DNER: variants seen among roughly 807,000 people sequenced by gnomAD.
The protein encoded by DNER is delta and Notch-like epidermal growth factor-related receptor.
Under a neutral mutation model 78.2 loss-of-function variants are expected in DNER, and 33 were observed. The ratio of observed to expected loss-of-function variants is 0.42; its 90% CI spans 0.32 to 0.56. The LOEUF is 0.56. Among genes scored for constraint, DNER ranks in the 20% least tolerant of loss-of-function variants. DNER has a pLI of 0.11. For synonymous variants in DNER, 417 were observed against 384.8 expected (o/e 1.08, Z -0.98); for missense variants, 918 against 975.3 (o/e 0.94, Z 0.78).
intron 6 of DNER, among the ~76,000 whole-genome samples, chr2:229,497,913 C>T (rs960488669): frequency 6.6e-6 from 1 of 152,080 alleles, no homozygotes; most frequent in Non-Finnish European, 1.5e-5. Flanking sequence ...TTTTCTCAAA[C>T]TCTTCCAAAA....
At chr2:229,692,023 G>A (rs1476832374) in intron 1 of DNER, among the ~76,000 whole-genome samples, 5 of 152,180 alleles carry the variant, frequency 3.3e-5, no homozygotes, top group South Asian at 2.1e-4. Flanking sequence ...CCTATAAAAC[G>A]GAAAGTGGAC....
At chr2:229,369,461 A>T (rs1329973280) in intron 11 of DNER, among the ~76,000 whole-genome samples, 1 of 152,010 alleles carries the variant, frequency 6.6e-6, no homozygotes, top group African/African-American at 2.4e-5. Flanking sequence ...TCAAAAAAAA[A>T]GTTTCAACTT....
chr2:229,539,806 A>T (rs1696477667), intron 5 of DNER, among the ~76,000 whole-genome samples: 1 of 152,152 alleles, frequency 6.6e-6, no homozygotes, highest in Non-Finnish European at 1.5e-5. Context: ...CTCACATCTG[A>T]GTCAGACATT....
chr2:229,636,180 G>T (rs1227756311), intron 1 of DNER, among the ~76,000 whole-genome samples: 4 of 152,166 alleles, frequency 2.6e-5, no homozygotes, highest in African/African-American at 7.2e-5. Context: ...TTTCCTGACT[G>T]AAGCAAAATG....
At chr2:229,406,675 G>T (rs181540434) in intron 10 of DNER, among the ~76,000 whole-genome samples, 2 of 152,152 alleles carry the variant, frequency 1.3e-5, no homozygotes, top group Admixed American at 6.5e-5. Flanking sequence ...CTCATAAGGG[G>T]GTGACTTTGA....
chr2:229,617,000 C>A (rs1698177099), intron 1 of DNER, among the ~76,000 whole-genome samples: 1 of 152,250 alleles, frequency 6.6e-6, no homozygotes, highest in South Asian at 2.1e-4. Flanking sequence ...CAGAGCGCAT[C>A]CACTGAAGAA....
intron 1 of DNER, among the ~76,000 whole-genome samples, chr2:229,677,588 C>T (rs1204106116): frequency 3.9e-5 from 6 of 152,160 alleles, no homozygotes; most frequent in Non-Finnish European, 5.9e-5. Flanking sequence ...AAATATACCA[C>T]CTTTCACCAC....
chr2:229,683,087 A>G (rs1432982614), intron 1 of DNER, among the ~76,000 whole-genome samples: 1 of 152,248 alleles, frequency 6.6e-6, no homozygotes, highest in Non-Finnish European at 1.5e-5. Flanking sequence ...CCACAGGTAA[A>G]CAAATTAATA....
chr2:229,634,592 T>C (rs1215575693), intron 1 of DNER, among the ~76,000 whole-genome samples: 1 of 152,204 alleles, frequency 6.6e-6, no homozygotes, highest in African/African-American at 2.4e-5. Context: ...GGAGCTATTT[T>C]GAACTTATAA....
intron 11 of DNER, among the ~76,000 whole-genome samples, chr2:229,368,181 G>C (rs905551108): frequency 6.6e-6 from 1 of 152,088 alleles, no homozygotes; most frequent in Non-Finnish European, 1.5e-5. Flanking sequence ...TGAGCAGTAT[G>C]GCAAAACCGT....
chr2:229,405,361 A>G (rs1410885050), intron 10 of DNER, among the ~76,000 whole-genome samples: 1 of 152,160 alleles, frequency 6.6e-6, no homozygotes, highest in Non-Finnish European at 1.5e-5. Flanking sequence ...ATGTCGAAAT[A>G]TGTATGTATT....
intron 5 of DNER, among the ~76,000 whole-genome samples, chr2:229,525,948 G>T (rs1002103116): frequency 3.3e-5 from 5 of 152,058 alleles, no homozygotes; most frequent in African/African-American, 1.2e-4. Flanking sequence ...GCAAAGGTGG[G>T]AAGGTCCTAT....
chr2:229,458,682 A>G (rs1248484780), intron 7 of DNER, among the ~76,000 whole-genome samples: 2 of 151,996 alleles, frequency 1.3e-5, no homozygotes, highest in African/African-American at 4.8e-5. Context: ...CAATGATGAA[A>G]TAATAAATAT....
intron 1 of DNER, among the ~76,000 whole-genome samples, chr2:229,693,817 A>G (rs1471595129): frequency 6.6e-6 from 1 of 152,220 alleles, no homozygotes; most frequent in Non-Finnish European, 1.5e-5. Context: ...TGCAATAGAA[A>G]AGAAAAACCC....
chr2:229,609,601 C>T lies in DNER; in HGVS notation c.277-17713G>A, dbSNP rs181167082. On this transcript the variant is annotated intron_variant, in intron 1 of 12. Coordinates refer to ENST00000341772, the MANE Select transcript of DNER (RefSeq NM_139072.4). ...CACAACGCTGAAAATATTAACTATC[C>T]GCCCTTTACAGAAAAAGTTTGCTAA... Among the ~76,000 whole-genome samples the T allele has an allele frequency of 2.7e-4, 41 of 152,218 alleles. 1 individual carries two copies. The East Asian group carries it at 6.8e-3, about 25-fold the overall frequency.
At chr2:229,364,246 T>C (rs1240340246) in intron 12 of DNER, among the ~76,000 whole-genome samples, 1 of 152,008 alleles carries the variant, frequency 6.6e-6, no homozygotes, top group East Asian at 1.9e-4. Context: ...GGCCACTTAC[T>C]GAGTTGGTGC....
Position 229,416,552 on chromosome 2 carries a change from A to C in DNER, c.1609+1556T>G, listed in dbSNP as rs1050297270. Among the ~76,000 whole-genome samples the C allele has an allele frequency of 4.6e-5, 7 of 152,248 alleles. No homozygotes were observed. In the South Asian group the frequency reaches 1.5e-3, roughly 32 times the overall value. On this transcript the variant is annotated intron_variant, in intron 9 of 12. Coordinates refer to ENST00000341772, the MANE Select transcript of DNER (RefSeq NM_139072.4). Reference sequence around the variant, plus strand: ...GGGGGCCAGCTCAGCCTACTGTGCAATTTCCTTAGACAGCAGCCCGTAGCC... The same window carrying C: ...GGGGGCCAGCTCAGCCTACTGTGCACTTTCCTTAGACAGCAGCCCGTAGCC...
chr2:229,668,536 GTATATA>G (rs1163016191), intron 1 of DNER, among the ~76,000 whole-genome samples: 18 of 7,082 alleles, frequency 2.5e-3, no homozygotes, highest in Admixed American at 8.8e-3. Flanking sequence ...GTGTGTGTGT[GTATATA>G]TATATATATA....
At chr2:229,434,579 T>G (rs1052321320) in intron 8 of DNER, among the ~76,000 whole-genome samples, 66 of 152,314 alleles carry the variant, frequency 4.3e-4, no homozygotes, top group African/African-American at 1.4e-3. Flanking sequence ...AAATTAAGGA[T>G]GCCTAAACAC....
Sources: allele counts gnomAD v4.1 joint callset (sites outside exome capture counted in the v4.1 genomes callset), GRCh38; gene constraint gnomAD v4.1.1; transcripts MANE v1.5; gene names NCBI Gene and HGNC (gene_info 2026-07-23, HGNC 2026-07-21).